BMPER: variants seen among roughly 807,000 people sequenced by gnomAD.
BMPER encodes the protein BMP binding endothelial regulator, also known as BMP-binding endothelial regulator protein.
A neutral mutation model predicts 87.3 loss-of-function variants in BMPER; 45 were observed. The ratio of observed to expected loss-of-function variants is 0.52; its 90% CI spans 0.41 to 0.66. The LOEUF (loss-of-function observed/expected upper bound fraction) is 0.66, where lower values mean the gene tolerates loss of function less well. Ranked by LOEUF, BMPER falls within the 30% of genes least tolerant of loss-of-function variation. BMPER has a pLI of 0.00. For missense variants in BMPER, 784 were observed against 867.5 expected, an observed-to-expected ratio of 0.90 and a Z score of 1.21; for synonymous variants, 326 against 316.2, an observed-to-expected ratio of 1.03 and a Z score of -0.33.
At chr7:34,098,081 G>A (rs932812208) in intron 13 of BMPER, among the ~76,000 whole-genome samples, 17 of 152,092 alleles carry the variant, frequency 1.1e-4, no homozygotes, top group African/African-American at 3.6e-4. Context: ...GACTTACTTG[G>A]CTGGGTCATA....
At chr7:33,994,056 G>A (rs2127929271) in intron 6 of BMPER, among the ~76,000 whole-genome samples, 1 of 152,320 alleles carries the variant, frequency 6.6e-6, no homozygotes, top group African/African-American at 2.4e-5. Flanking sequence ...GTCTGCAGAG[G>A]TTACTGCTGT....
intron 2 of BMPER, among the ~76,000 whole-genome samples, chr7:33,931,148 C>T (rs1026612510): frequency 1.5e-4 from 23 of 152,214 alleles, no homozygotes; most frequent in African/African-American, 5.5e-4. Context: ...CAGGAGACCT[C>T]GCCTGTTTGG....
intron 13 of BMPER, among the ~76,000 whole-genome samples, chr7:34,129,165 G>A (rs975046903): frequency 1.3e-5 from 2 of 152,070 alleles, no homozygotes; most frequent in African/African-American, 4.8e-5. Flanking sequence ...GGGGAAAAAT[G>A]TTCTATCACT....
chr7:34,131,879 T>C (rs1488389191), intron 13 of BMPER, among the ~76,000 whole-genome samples: 1 of 152,214 alleles, frequency 6.6e-6, no homozygotes, highest in African/African-American at 2.4e-5. Context: ...TCAGTGGGGC[T>C]GGAGATGGAA....
intron 6 of BMPER, among the ~76,000 whole-genome samples, chr7:34,035,008 A>G (rs1787626073): frequency 6.6e-6 from 1 of 152,198 alleles, no homozygotes; most frequent in African/African-American, 2.4e-5. Context: ...AACAGACTGT[A>G]CACTTGTTTT....
chr7:33,964,649 G>T (rs1289012978), intron 3 of BMPER, among the ~76,000 whole-genome samples: 1 of 152,148 alleles, frequency 6.6e-6, no homozygotes, highest in Non-Finnish European at 1.5e-5. Flanking sequence ...ACAGCCTGGT[G>T]CTCCTCCTGG....
rs79251489 is a variant in BMPER at position 33,980,111 on chromosome 7, A to T, written c.576+5327A>T. Among the ~76,000 whole-genome samples, 1,216 of 152,314 alleles carry T rather than the reference A, an allele frequency of 8.0e-3. 12 individuals carry two copies. The highest frequency in any genetic ancestry group is 0.028 in the African/African-American group (1,149 of 41,564). On this transcript the variant is annotated intron_variant, in intron 6 of 14. Transcript: ENST00000649409. ...AGCAGACCTAACGTTTTTAGGTGTGACTATCATCATGACTCACTCAGAAAA... is the reference window on the plus strand; with the variant it reads ...AGCAGACCTAACGTTTTTAGGTGTGTCTATCATCATGACTCACTCAGAAAA...
intron 13 of BMPER, among the ~76,000 whole-genome samples, chr7:34,114,235 A>G (rs1242228276): frequency 2.0e-5 from 3 of 152,138 alleles, no homozygotes; most frequent in African/African-American, 7.2e-5. Flanking sequence ...CAGGAATTTA[A>G]CCCTCAGATT....
chr7:33,978,081 A>T (rs544690576), intron 6 of BMPER, among the ~76,000 whole-genome samples: 1 of 152,308 alleles, frequency 6.6e-6, no homozygotes, highest in Non-Finnish European at 1.5e-5. Context: ...AAGAGGTGTG[A>T]CATTTAGGAG....
At chr7:34,129,654 A>AAGAAAGAAAGAAAG (rs1790525406) in intron 13 of BMPER, among the ~76,000 whole-genome samples, 2 of 150,222 alleles carry the variant, frequency 1.3e-5, no homozygotes, top group Non-Finnish European at 3.0e-5. Context: ...GAAAGAAAGA[A>AAGAAAGAAAGAAAG]AGAAAGAAAG....
At chr7:33,943,969 G>T (rs1277617307) in intron 3 of BMPER, among the ~76,000 whole-genome samples, 1 of 152,140 alleles carries the variant, frequency 6.6e-6, no homozygotes, top group South Asian at 2.1e-4. Context: ...ACAATAAAGT[G>T]TAGAAAGCAC....
At chr7:34,073,104 A>C (rs1053542103) in intron 11 of BMPER, among the ~76,000 whole-genome samples, 2 of 152,148 alleles carry the variant, frequency 1.3e-5, no homozygotes, top group Non-Finnish European at 2.9e-5. Context: ...TTTTTCACCA[A>C]AATATGTTCT....
chr7:34,080,894 A>G (rs1789025358), intron 12 of BMPER, among the ~76,000 whole-genome samples: 1 of 152,224 alleles, frequency 6.6e-6, no homozygotes, highest in Non-Finnish European at 1.5e-5. Flanking sequence ...TGTTATAAAA[A>G]TGAGCAAAAG....
intron 14 of BMPER, among the ~76,000 whole-genome samples, chr7:34,151,227 T>C (rs1246255712): frequency 6.6e-6 from 1 of 152,192 alleles, no homozygotes; most frequent in East Asian, 1.9e-4. Context: ...CAATCCCCTC[T>C]CTGTTGTGGT....
intron 6 of BMPER, among the ~76,000 whole-genome samples, chr7:34,001,925 T>A (rs923027384): frequency 4.0e-5 from 6 of 151,782 alleles, no homozygotes; most frequent in Admixed American, 6.6e-5. Context: ...TTTTACTTAC[T>A]GGTTTTGGGA....
intron 13 of BMPER, among the ~76,000 whole-genome samples, chr7:34,129,576 A>G (rs866854198): frequency 3.8e-4 from 16 of 41,964 alleles, no homozygotes; most frequent in African/African-American, 1.2e-3. Context: ...GAAGGAAGGA[A>G]GGAGAGAGAG....
At chr7:34,061,965 T>TTTTTTTTAA in intron 10 of BMPER, 37 bp from the exon 11 acceptor site, 1 of 1,519,766 alleles carries the variant, frequency 6.6e-7, no homozygotes, top group Non-Finnish European at 9.0e-7. Flanking sequence ...TTTTTTTTTT[T>TTTTTTTTAA]AAACAGTAAC....
intron 13 of BMPER, among the ~76,000 whole-genome samples, chr7:34,122,890 G>T (rs1470215857): frequency 6.6e-6 from 1 of 152,146 alleles, no homozygotes; most frequent in Non-Finnish European, 1.5e-5. Flanking sequence ...TCAGGGGGAA[G>T]ATATAATGCT....
chr7:33,962,595 G>C (rs933662676), intron 3 of BMPER, among the ~76,000 whole-genome samples: 9 of 152,102 alleles, frequency 5.9e-5, no homozygotes, highest in African/African-American at 1.9e-4. Context: ...GTTGCCCAGA[G>C]TCCCCTGGGT....
Sources: allele counts gnomAD v4.1 joint callset (sites outside exome capture counted in the v4.1 genomes callset), GRCh38; gene constraint gnomAD v4.1.1; transcripts MANE v1.5; gene names NCBI Gene and HGNC (gene_info 2026-07-23, HGNC 2026-07-21).